The following SGCZ variants were observed in gnomAD, a reference collection of about 807,000 sequenced individuals.
SGCZ encodes the protein sarcoglycan zeta.
Under a neutral mutation model 41.3 loss-of-function variants are expected in SGCZ, and 40 were observed. The observed-to-expected ratio is 0.97, with a 90% CI of 0.75 to 1.26. SGCZ has a LOEUF of 1.26. Among genes scored for constraint, SGCZ ranks in the 50% most tolerant of loss-of-function variants. The probability of loss-of-function intolerance (pLI) is 0.00; values close to 1 mark genes in which losing one functional copy is unlikely to be tolerated. For missense variants in SGCZ, 552 were observed against 369.8 expected (o/e 1.49, Z -4.04); for synonymous variants, 206 against 137.5 (o/e 1.50, Z -3.49).
At chr8:14,811,509 A>G in intron 1 of SGCZ, among the ~76,000 whole-genome samples, 1 of 133,650 alleles carries the variant, frequency 7.5e-6, no homozygotes, top group Non-Finnish European at 1.6e-5. Flanking sequence ...TCGCTGAAAG[A>G]CACTGCATCT....
At chr8:14,526,072 T>C (rs973430009) in intron 2 of SGCZ, among the ~76,000 whole-genome samples, 1 of 152,146 alleles carries the variant, frequency 6.6e-6, no homozygotes, top group African/African-American at 2.4e-5. Context: ...TATTTTGATA[T>C]CTTACAGAAA....
intron 3 of SGCZ, among the ~76,000 whole-genome samples, chr8:14,318,111 TA>T (rs1469755351): frequency 6.6e-6 from 1 of 151,642 alleles, no homozygotes; most frequent in Admixed American, 6.6e-5. Flanking sequence ...AATTCGGTAA[TA>T]AAAATATGAC....
chr8:14,333,401 G>A (rs577068134), intron 2 of SGCZ, among the ~76,000 whole-genome samples: 28 of 152,100 alleles, frequency 1.8e-4, no homozygotes, highest in Admixed American at 1.2e-3. Context: ...TGTAAGTAGG[G>A]GGCTGAGGGA....
In SGCZ at chr8:14,828,209, G is replaced by T. The variant is rs117985486; in HGVS notation, c.40-273283C>A. ...TATGGGAGCAATGCCCCAAAGAAAT[G>T]ACCAGTTTACAAGTAGAAACTCATT... On this transcript the variant is annotated intron_variant, in intron 1 of 7. Coordinates refer to ENST00000382080, the MANE Select transcript of SGCZ (RefSeq NM_139167.4). 4.8e-3 allele frequency among the ~76,000 whole-genome samples: 735 copies of T among 152,264 alleles called. 9 individuals are homozygous for T. The Middle Eastern group carries it at 0.051, about 11-fold the overall frequency.
At chr8:14,157,666 C>A (rs1277788107) in intron 5 of SGCZ, among the ~76,000 whole-genome samples, 3 of 151,362 alleles carry the variant, frequency 2.0e-5, no homozygotes, top group Non-Finnish European at 4.4e-5. Context: ...ATTGTATATT[C>A]ACTATAAGAA....
intron 1 of SGCZ, among the ~76,000 whole-genome samples, chr8:14,980,401 T>G (rs1253350419): frequency 1.3e-5 from 2 of 152,186 alleles, no homozygotes; most frequent in Non-Finnish European, 2.9e-5. Context: ...GGGTCTAATT[T>G]TTTATTACAT....
At chr8:15,170,483 A>G (rs1226118875) in intron 1 of SGCZ, among the ~76,000 whole-genome samples, 1 of 152,208 alleles carries the variant, frequency 6.6e-6, no homozygotes, top group Non-Finnish European at 1.5e-5. Flanking sequence ...CCTCTCAGAG[A>G]CCATTCTGTG....
chr8:14,693,582 CTTTTTTTTTTT>C (rs67757752), intron 1 of SGCZ, among the ~76,000 whole-genome samples: 3 of 61,554 alleles, frequency 4.9e-5, no homozygotes, highest in African/African-American at 2.2e-4. Context: ...CCACGACTGG[CTTTTTTTTTTT>C]TTTTTTTTTT....
At chr8:14,662,668 T>G (rs1807791958) in intron 1 of SGCZ, among the ~76,000 whole-genome samples, 1 of 152,138 alleles carries the variant, frequency 6.6e-6, no homozygotes, top group Non-Finnish European at 1.5e-5. Context: ...ATTTATTACA[T>G]TAGAGGACAA....
At chr8:14,667,747 A>G (rs146109391) in intron 1 of SGCZ, among the ~76,000 whole-genome samples, 7 of 152,316 alleles carry the variant, frequency 4.6e-5, no homozygotes, top group African/African-American at 1.7e-4. Context: ...TTGCCATTTT[A>G]GAATGAATAA....
intron 1 of SGCZ, among the ~76,000 whole-genome samples, chr8:15,223,788 G>A (rs1332140431): frequency 3.9e-5 from 6 of 152,084 alleles, no homozygotes; most frequent in African/African-American, 7.2e-5. Flanking sequence ...TTTAAAAAAC[G>A]AGAACTAGAA....
chr8:14,307,333 C>A (rs574711900), intron 3 of SGCZ, among the ~76,000 whole-genome samples: 51 of 152,204 alleles, frequency 3.4e-4, no homozygotes, highest in Admixed American at 9.2e-4. Flanking sequence ...TTCAGCTACA[C>A]AAAGTAAATT....
intron 7 of SGCZ, among the ~76,000 whole-genome samples, chr8:14,101,137 G>A (rs975763865): frequency 7.2e-5 from 11 of 152,034 alleles, no homozygotes; most frequent in African/African-American, 1.4e-4. Context: ...AAAAAAAGAT[G>A]AGACTGCTAG....
chr8:15,199,678 C>T (rs1219309214), intron 1 of SGCZ, among the ~76,000 whole-genome samples: 1 of 152,114 alleles, frequency 6.6e-6, no homozygotes, highest in Non-Finnish European at 1.5e-5. Context: ...TTGCTAACAC[C>T]TGTCAATAAT....
intron 1 of SGCZ, among the ~76,000 whole-genome samples, chr8:15,171,871 G>A (rs1027904260): frequency 1.3e-5 from 2 of 152,096 alleles, no homozygotes; most frequent in African/African-American, 2.4e-5. Flanking sequence ...TGCCAAACGA[G>A]CTGTCTTCAC....
chr8:15,176,794 G>C (rs1244548636), intron 1 of SGCZ, among the ~76,000 whole-genome samples: 1 of 152,198 alleles, frequency 6.6e-6, no homozygotes, highest in Non-Finnish European at 1.5e-5. Context: ...AAGGTCAGGA[G>C]ATCGAGACCA....
At chr8:15,063,115 T>G (rs2131014192) in intron 1 of SGCZ, among the ~76,000 whole-genome samples, 1 of 152,190 alleles carries the variant, frequency 6.6e-6, no homozygotes, top group East Asian at 1.9e-4. Context: ...AACTTTTTTC[T>G]GGCTCAGCAT....
chr8:14,170,424 T>A (rs1287901611), intron 4 of SGCZ, among the ~76,000 whole-genome samples: 5 of 152,072 alleles, frequency 3.3e-5, no homozygotes, highest in Admixed American at 2.6e-4. Context: ...CCTAAAATAA[T>A]AATATTAATA....
chr8:15,154,757 G>T (rs1299665899), intron 1 of SGCZ, among the ~76,000 whole-genome samples: 1 of 152,080 alleles, frequency 6.6e-6, no homozygotes, highest in Non-Finnish European at 1.5e-5. Flanking sequence ...TTAGTAATTC[G>T]ACTGAGACAG....
Sources: allele counts gnomAD v4.1 joint callset (sites outside exome capture counted in the v4.1 genomes callset), GRCh38; gene constraint gnomAD v4.1.1; transcripts MANE v1.5; gene names NCBI Gene and HGNC (gene_info 2026-07-23, HGNC 2026-07-21).